The following GRIP1 variants were observed in gnomAD, a reference collection of about 807,000 sequenced individuals.
GRIP1 encodes the protein glutamate receptor interacting protein 1.
In GRIP1, 45 loss-of-function variants were observed where a neutral mutation model predicts 129.9. The observed-to-expected ratio is 0.35, with a 90% CI of 0.27 to 0.44. GRIP1 has a LOEUF of 0.44. Among genes scored for constraint, GRIP1 ranks in the 20% least tolerant of loss-of-function variants. The pLI is 1.00. For synonymous variants in GRIP1, 530 were observed against 520.8 expected, an observed-to-expected ratio of 1.02 and a Z score of -0.24; for missense variants, 1,196 against 1,396.8, an observed-to-expected ratio of 0.86 and a Z score of 2.29.
intron 19 of GRIP1, among the ~76,000 whole-genome samples, chr12:66,389,562 C>T (rs1184862104): frequency 6.6e-6 from 1 of 151,960 alleles, no homozygotes; most frequent in African/African-American, 2.4e-5. Flanking sequence ...CTCACAAGCA[C>T]AATCTGGAGA....
intron 1 of GRIP1, among the ~76,000 whole-genome samples, chr12:66,715,246 C>G (rs1287954549): frequency 6.6e-6 from 1 of 151,978 alleles, no homozygotes; most frequent in East Asian, 1.9e-4. Flanking sequence ...ATATTTGGCC[C>G]TGCCCCCTTG....
At chr12:66,926,996 G>T (rs1260082233) in intron 1 of GRIP1, among the ~76,000 whole-genome samples, 1 of 152,208 alleles carries the variant, frequency 6.6e-6, no homozygotes, top group Non-Finnish European at 1.5e-5. Context: ...TGCACTATGT[G>T]TTAGGTGCTA....
intron 1 of GRIP1, among the ~76,000 whole-genome samples, chr12:66,772,349 A>G (rs374908859): frequency 7.2e-5 from 11 of 152,254 alleles, no homozygotes; most frequent in African/African-American, 2.4e-4. Flanking sequence ...TATAATCAAG[A>G]AAGAATACTA....
In GRIP1 at chr12:66,420,721, T is replaced by A; in HGVS notation, c.1837A>T (p.Arg613Ter). 6.6e-7 allele frequency: 1 copy of A among 1,525,474 alleles called. No homozygotes were observed. The highest frequency in any genetic ancestry group is 9.1e-7 in the Non-Finnish European group (1 of 1,098,508). 94.5% of individuals were successfully genotyped at this position (1,525,474 alleles called of 1,614,324 possible). A position where few individuals can be genotyped will look rare whatever the true frequency, so the allele number is the denominator to read the frequency against. ...AATCAGAAAATCCATTTTCCTTACC[T>A]GTGTGCCACACTCCCTTTCTTGATA... ...SDIKKGSVAH[R>*]TGTLELGDKL... is the part of the protein sequence containing the mutation. Residue 613 changes from arginine to a stop codon, truncating the protein, a stop_gained and splice_region_variant, in exon 15 of 25, where the codon AGA (arginine) becomes TGA (stop). Transcript: ENST00000359742. LOFTEE classifies it high-confidence loss of function.
At chr12:66,496,061 A>G (rs867209526) in intron 7 of GRIP1, among the ~76,000 whole-genome samples, 2 of 152,242 alleles carry the variant, frequency 1.3e-5, no homozygotes, top group African/African-American at 4.8e-5. Context: ...ACTCTCTGAA[A>G]GAGTGTGTGT....
chr12:66,938,626 C>T (rs2041527044), intron 1 of GRIP1, among the ~76,000 whole-genome samples: 1 of 152,004 alleles, frequency 6.6e-6, no homozygotes, highest in Non-Finnish European at 1.5e-5. Context: ...AGGGCCTCCA[C>T]TAGAAAGGTT....
intron 1 of GRIP1, among the ~76,000 whole-genome samples, chr12:66,894,775 T>A (rs2040717900): frequency 6.6e-6 from 1 of 152,116 alleles, no homozygotes; most frequent in African/African-American, 2.4e-5. Flanking sequence ...GCAGTAGAGG[T>A]CCCTCAGGCC....
At chr12:66,400,970 G>A (rs1451444460) in intron 16 of GRIP1, among the ~76,000 whole-genome samples, 8 of 152,084 alleles carry the variant, frequency 5.3e-5, no homozygotes, top group Non-Finnish European at 1.2e-4. Context: ...TGCTGATTGG[G>A]TATTGGGGAT....
chr12:66,519,735 C>T (rs1348562382), intron 5 of GRIP1, among the ~76,000 whole-genome samples: 1 of 152,176 alleles, frequency 6.6e-6, no homozygotes, highest in Non-Finnish European at 1.5e-5. Context: ...AACTGGGATG[C>T]TTTTTGAAAA....
intron 1 of GRIP1, among the ~76,000 whole-genome samples, chr12:66,634,429 T>C (rs1288990007): frequency 6.6e-6 from 1 of 152,190 alleles, no homozygotes; most frequent in Non-Finnish European, 1.5e-5. Context: ...TGCAGAGTCA[T>C]CTTAATTATA....
chr12:66,391,975 G>A (rs981345385), intron 19 of GRIP1, among the ~76,000 whole-genome samples: 1 of 152,100 alleles, frequency 6.6e-6, no homozygotes, highest in Non-Finnish European at 1.5e-5. Flanking sequence ...GAAAAATAAG[G>A]CAATGGGGCC....
intron 1 of GRIP1, among the ~76,000 whole-genome samples, chr12:67,048,150 G>GAAA (rs35243687): frequency 2.2e-5 from 3 of 137,398 alleles, no homozygotes; most frequent in African/African-American, 8.0e-5. Context: ...CTTATTTTGG[G>GAAA]AAAAAAAAAA....
chr12:66,588,434 G>A (rs1335480489), intron 2 of GRIP1, among the ~76,000 whole-genome samples: 1 of 152,108 alleles, frequency 6.6e-6, no homozygotes, highest in African/African-American at 2.4e-5. Context: ...TGGATGGACA[G>A]AGATCACCCA....
At chr12:66,822,066 G>A (rs536563252) in intron 1 of GRIP1, among the ~76,000 whole-genome samples, 42 of 151,850 alleles carry the variant, frequency 2.8e-4, no homozygotes, top group Non-Finnish European at 5.0e-4. Context: ...TCAATTACCT[G>A]GTATTCAGAA....
At chr12:66,627,087 C>A (rs907330267) in intron 1 of GRIP1, among the ~76,000 whole-genome samples, 3 of 152,184 alleles carry the variant, frequency 2.0e-5, no homozygotes, top group African/African-American at 7.2e-5. Flanking sequence ...GTACTCATTC[C>A]TTTGATGAAG....
intron 1 of GRIP1, among the ~76,000 whole-genome samples, chr12:66,717,543 T>C (rs573582358): frequency 1.3e-5 from 2 of 152,282 alleles, no homozygotes; most frequent in South Asian, 4.1e-4. Flanking sequence ...TGATAACTAA[T>C]CTTGTCATGC....
intron 10 of GRIP1, 139 bp downstream of exon 10, chr12:66,456,048 T>C: frequency 2.2e-6 from 1 of 447,520 alleles, no homozygotes; most frequent in Non-Finnish European, 4.0e-6. Context: ...GAAAAAAACC[T>C]AGGAGATGTC....
chr12:66,921,116 A>G (rs1278789098), intron 1 of GRIP1, among the ~76,000 whole-genome samples: 1 of 152,202 alleles, frequency 6.6e-6, no homozygotes, highest in Admixed American at 6.5e-5. Flanking sequence ...ATGAGACAGC[A>G]CTTCTCACCT....
At chr12:66,595,135 T>G (rs10784557) in intron 2 of GRIP1, among the ~76,000 whole-genome samples, 31,801 of 151,958 alleles carry the variant, frequency 0.21, 4,236 homozygotes, top group African/African-American at 0.38. Context: ...ACAAAAAGGG[T>G]TCTATCAATG....
Sources: allele counts gnomAD v4.1 joint callset (sites outside exome capture counted in the v4.1 genomes callset), GRCh38; gene constraint gnomAD v4.1.1; transcripts MANE v1.5; gene names NCBI Gene and HGNC (gene_info 2026-07-23, HGNC 2026-07-21).